Variants in NRG3 observed in about 807,000 individuals in gnomAD.
NRG3 encodes neuregulin 3, also known as pro-neuregulin-3, membrane-bound isoform.
A neutral mutation model predicts 66.9 loss-of-function variants in NRG3; 31 were observed. The observed-to-expected ratio is 0.46, with a 90% CI of 0.35 to 0.63. The LOEUF (loss-of-function observed/expected upper bound fraction) is 0.63, where lower values mean the gene tolerates loss of function less well. Ranked by LOEUF, NRG3 falls within the 20% of genes least tolerant of loss-of-function variation. The probability of loss-of-function intolerance (pLI) is 0.00; values close to 1 mark genes in which losing one functional copy is unlikely to be tolerated. For synonymous variants in NRG3, 393 were observed against 359.4 expected (o/e 1.09, Z -1.06); for missense variants, 910 against 878.9 (o/e 1.04, Z -0.45).
intron 5 of NRG3, among the ~76,000 whole-genome samples, chr10:82,957,391 T>A (rs544386331): frequency 1.3e-5 from 2 of 151,916 alleles, no homozygotes; most frequent in South Asian, 4.1e-4. Flanking sequence ...AGACCGGCCA[T>A]GTGCTCCACT....
At chr10:82,705,331 A>G (rs940357309) in intron 2 of NRG3, among the ~76,000 whole-genome samples, 3 of 152,184 alleles carry the variant, frequency 2.0e-5, no homozygotes, top group Admixed American at 6.5e-5. Flanking sequence ...CAATGCTAAC[A>G]CTGCTGGTCC....
intron 2 of NRG3, among the ~76,000 whole-genome samples, chr10:82,673,453 G>A (rs1046763285): frequency 1.3e-5 from 2 of 152,136 alleles, no homozygotes; most frequent in African/African-American, 2.4e-5. Flanking sequence ...TCATTATACT[G>A]TATTTTGCTT....
In NRG3 at chr10:82,898,336, C is replaced by T. The variant is rs150804572; in HGVS notation, c.1054+32899C>T. Among the ~76,000 whole-genome samples the T allele has an allele frequency of 6.8e-4, 103 of 152,246 alleles. No individual in the cohort carries two copies. The South Asian group carries it at 0.012, about 17-fold the overall frequency. ...TCCTTCTCTCAGAGTCCAACTAAAA[C>T]GTGGAGGCAAATATGTACCAAATAG... is the stretch of plus-strand genomic sequence containing the variant. On this transcript the variant is annotated intron_variant, in intron 4 of 8. Coordinates refer to ENST00000372141, the MANE Select transcript of NRG3 (RefSeq NM_001010848.4).
At position 82,548,058 on chromosome 10, in the gene NRG3, T is replaced by TTA. The variant is rs1554959773; in HGVS notation, c.953+189190_953+189191insTA. ...TGCCACGTTTTTTTTTTTTTTTTTTTAAATCATGGAAGGAATTCTAGGAGA... is the reference window on the plus strand; with the variant it reads ...TGCCACGTTTTTTTTTTTTTTTTTTTTAAAATCATGGAAGGAATTCTAGGAGA... On this transcript the variant is annotated intron_variant, in intron 2 of 8. Transcript: ENST00000372141. 0.02 allele frequency among the ~76,000 whole-genome samples: 3,037 copies of TTA among 148,636 alleles called. 168 individuals carry two copies. In the East Asian group the frequency reaches 0.22, roughly 11 times the overall value.
At chr10:82,040,948 T>C (rs2063004796) in intron 1 of NRG3, among the ~76,000 whole-genome samples, 1 of 152,072 alleles carries the variant, frequency 6.6e-6, no homozygotes, top group African/African-American at 2.4e-5. Context: ...AGTGAACACA[T>C]TTGTTAGAAA....
At chr10:82,500,729 T>C (rs1844094786) in intron 2 of NRG3, among the ~76,000 whole-genome samples, 1 of 152,226 alleles carries the variant, frequency 6.6e-6, no homozygotes, top group Non-Finnish European at 1.5e-5. Flanking sequence ...TGGCCTATAC[T>C]GAACTTTTGG....
intron 3 of NRG3, among the ~76,000 whole-genome samples, chr10:82,820,526 A>G (rs758545573): frequency 1.8e-4 from 27 of 152,196 alleles, no homozygotes; most frequent in Admixed American, 3.9e-4. Context: ...GATTATACTC[A>G]GAGCATCTCT....
intron 1 of NRG3, among the ~76,000 whole-genome samples, chr10:82,309,126 T>C (rs1324777031): frequency 6.6e-6 from 1 of 152,228 alleles, no homozygotes; most frequent in African/African-American, 2.4e-5. Flanking sequence ...CTTGGAATTC[T>C]CCATCATTAA....
At chr10:82,725,176 A>G (rs1485278553) in intron 2 of NRG3, among the ~76,000 whole-genome samples, 2 of 152,218 alleles carry the variant, frequency 1.3e-5, no homozygotes, top group Admixed American at 1.3e-4. Flanking sequence ...TACAGAATGA[A>G]GCAGGAACAA....
intron 3 of NRG3, among the ~76,000 whole-genome samples, chr10:82,834,847 C>T (rs182105248): frequency 1.6e-3 from 244 of 152,298 alleles, no homozygotes; most frequent in African/African-American, 5.7e-3. Context: ...CAGCAAGCTG[C>T]TTAGGTAGGA....
At chr10:81,973,322 A>T (rs969210010) in intron 1 of NRG3, among the ~76,000 whole-genome samples, 8 of 152,188 alleles carry the variant, frequency 5.3e-5, no homozygotes, top group Non-Finnish European at 1.2e-4. Flanking sequence ...ATGGACATTT[A>T]GACAGATTCC....
intron 1 of NRG3, among the ~76,000 whole-genome samples, chr10:82,262,958 T>C (rs2078109909): frequency 6.6e-6 from 1 of 152,152 alleles, no homozygotes; most frequent in Non-Finnish European, 1.5e-5. Flanking sequence ...AAGTTTATAG[T>C]TGAGGATAGG....
chr10:82,171,943 A>G (rs1014574304), intron 1 of NRG3, among the ~76,000 whole-genome samples: 2 of 152,144 alleles, frequency 1.3e-5, no homozygotes, highest in Non-Finnish European at 2.9e-5. Flanking sequence ...ATCACTCAGC[A>G]ATGTGCACAG....
chr10:82,440,036 T>C (rs1485548301), intron 2 of NRG3, among the ~76,000 whole-genome samples: 1 of 152,112 alleles, frequency 6.6e-6, no homozygotes, highest in Non-Finnish European at 1.5e-5. Flanking sequence ...TAATCTCTTA[T>C]ATTAAGGTAA....
intron 2 of NRG3, among the ~76,000 whole-genome samples, chr10:82,491,601 A>G (rs1020646227): frequency 1.3e-5 from 2 of 151,950 alleles, no homozygotes; most frequent in Admixed American, 6.6e-5. Context: ...CTGAGGGTAC[A>G]TTTTTCCCCT....
intron 2 of NRG3, among the ~76,000 whole-genome samples, chr10:82,569,511 G>C (rs2045603891): frequency 6.6e-6 from 1 of 151,716 alleles, no homozygotes; most frequent in African/African-American, 2.4e-5. Flanking sequence ...TCCTCATTCT[G>C]ATGTACCAAA....
rs564973752 is a variant in NRG3 at position 82,462,656 on chromosome 10, C to T, written c.953+103788C>T. On this transcript the variant is annotated intron_variant, in intron 2 of 8. Transcript: ENST00000372141. Reference sequence around the variant, plus strand: ...GGAATATTCATCTCACTGGAGGATGCGGGGACTGAGAGGGGAAGTCTGCCT... The same window carrying T: ...GGAATATTCATCTCACTGGAGGATGTGGGGACTGAGAGGGGAAGTCTGCCT... Among the ~76,000 whole-genome samples, 43 of 151,920 alleles carry T rather than the reference C, an allele frequency of 2.8e-4. No individual in the cohort carries two copies. The South Asian group carries it at 6.2e-3, about 22-fold the overall frequency.
At chr10:82,050,020 C>A (rs956477868) in intron 1 of NRG3, among the ~76,000 whole-genome samples, 1 of 152,030 alleles carries the variant, frequency 6.6e-6, no homozygotes, top group African/African-American at 2.4e-5. Context: ...CACACACTCA[C>A]CAGCAACATA....
At position 82,464,827 on chromosome 10, in the gene NRG3, A is replaced by G. The variant is rs558825208; in HGVS notation, c.953+105959A>G. On this transcript the variant is annotated intron_variant, in intron 2 of 8. Coordinates refer to ENST00000372141, the MANE Select transcript of NRG3 (RefSeq NM_001010848.4). ...GTGTACAGTGCTTTGGAGTTTACAG[A>G]GTATATGGCTCTCTCAACAGCAGCC... 2.6e-4 allele frequency among the ~76,000 whole-genome samples: 39 copies of G among 152,318 alleles called. No homozygotes were observed. In the South Asian group the frequency reaches 7.7e-3, roughly 30 times the overall value.
Sources: gnomAD v4.1 joint callset for allele counts (sites outside exome capture counted in the v4.1 genomes callset) on GRCh38, gnomAD v4.1.1 for gene constraint, MANE v1.5 for transcripts, NCBI Gene and HGNC (gene_info 2026-07-23, HGNC 2026-07-21) for gene names.